The following GRB10 variants were observed in gnomAD, a reference collection of about 807,000 sequenced individuals.
The protein encoded by GRB10 is growth factor receptor-bound protein 10.
In GRB10, 20 loss-of-function variants were observed where a neutral mutation model predicts 80.9. That is an observed-to-expected ratio of 0.25 (90% CI 0.17 to 0.36). The LOEUF (loss-of-function observed/expected upper bound fraction) is 0.36, where lower values mean the gene tolerates loss of function less well. GRB10 is among the 10% of genes least tolerant of loss of function. GRB10 has a pLI of 1.00. For missense variants in GRB10, 548 were observed against 747.7 expected (o/e 0.73, Z 3.12); for synonymous variants, 291 against 291.5 (o/e 1.00, Z 0.02).
intron 4 of GRB10, among the ~76,000 whole-genome samples, chr7:50,722,006 C>T (rs553016653): frequency 1.3e-5 from 2 of 152,190 alleles, no homozygotes; most frequent in Non-Finnish European, 2.9e-5. Context: ...CAAAGGAGAG[C>T]CCAGGCTGCT....
chr7:50,697,934 T>A (rs929005707), intron 5 of GRB10, among the ~76,000 whole-genome samples: 1 of 152,234 alleles, frequency 6.6e-6, no homozygotes, highest in African/African-American at 2.4e-5. Context: ...AGAGGGAGGA[T>A]GAACACTCTG....
At chr7:50,663,476 GA>G in intron 7 of GRB10, among the ~76,000 whole-genome samples, 1 of 152,232 alleles carries the variant, frequency 6.6e-6, no homozygotes, top group Non-Finnish European at 1.5e-5. Flanking sequence ...AGTGCCATGT[GA>G]CTAGGGTCCT....
At chr7:50,654,098 A>C (rs2058349933) in intron 7 of GRB10, among the ~76,000 whole-genome samples, 1 of 152,214 alleles carries the variant, frequency 6.6e-6, no homozygotes, top group Non-Finnish European at 1.5e-5. Flanking sequence ...AGCATGGAAG[A>C]GACAACCCCC....
chr7:50,633,375 A>G (rs2054363075), intron 7 of GRB10, among the ~76,000 whole-genome samples: 1 of 152,224 alleles, frequency 6.6e-6, no homozygotes, highest in African/African-American at 2.4e-5. Context: ...TAACCAACAT[A>G]CAGAACAGTC....
At chr7:50,740,016 G>A (rs1285036425) in intron 3 of GRB10, among the ~76,000 whole-genome samples, 2 of 152,214 alleles carry the variant, frequency 1.3e-5, no homozygotes, top group Admixed American at 1.3e-4. Flanking sequence ...GTGTGAGGCT[G>A]GAGGGAAAGT....
At chr7:50,627,108 C>A in intron 7 of GRB10, 130 bp from the exon 8 acceptor site, 3 of 929,074 alleles carry the variant, frequency 3.2e-6, no homozygotes, top group South Asian at 1.3e-5. Flanking sequence ...TTTTTCCAGG[C>A]AGCCAACAGG....
In GRB10 at chr7:50,619,557, G is replaced by A. The variant is rs553994168; in HGVS notation, c.662-272C>T. 7.9e-5 allele frequency among the ~76,000 whole-genome samples: 12 copies of A among 152,270 alleles called. No homozygotes were observed. The South Asian group carries it at 1.7e-3, about 21-fold the overall frequency. The stretch of plus-strand genomic sequence containing the variant: ...CAACCAGATGTTAAGGAATGAGCCC[G>A]TAAGACTCTTAGCAAATGATTTTGC... On this transcript the variant is annotated intron_variant, in intron 8 of 18. Coordinates refer to ENST00000401949, the MANE Select transcript of GRB10 (RefSeq NM_001350814.2).
At chr7:50,618,177 G>C in intron 9 of GRB10, 38 bp from the exon 10 acceptor site, 1 of 1,494,060 alleles carries the variant, frequency 6.7e-7, no homozygotes, top group African/African-American at 1.4e-5. Flanking sequence ...TAAAAGGTTA[G>C]CTTCAAAGTG....
chr7:50,754,011 C>T (rs1019614635), intron 3 of GRB10, among the ~76,000 whole-genome samples: 15 of 152,324 alleles, frequency 9.8e-5, no homozygotes, highest in Admixed American at 2.0e-4. Flanking sequence ...CAGCATCACT[C>T]GCAACAAATC....
intron 4 of GRB10, among the ~76,000 whole-genome samples, chr7:50,705,997 T>C (rs2064993758): frequency 6.6e-6 from 1 of 152,226 alleles, no homozygotes; most frequent in Non-Finnish European, 1.5e-5. Flanking sequence ...TGCAATTCCA[T>C]GGCCAACATT....
intron 2 of GRB10, among the ~76,000 whole-genome samples, chr7:50,773,738 A>G (rs893267833): frequency 2.6e-5 from 4 of 152,258 alleles, no homozygotes; most frequent in African/African-American, 9.6e-5. Flanking sequence ...AAAGATAGTT[A>G]TACACCAATG....
chr7:50,767,167 C>G (rs2076431903), intron 2 of GRB10, among the ~76,000 whole-genome samples: 1 of 152,190 alleles, frequency 6.6e-6, no homozygotes, highest in Non-Finnish European at 1.5e-5. Context: ...CAGACTGGTG[C>G]AACATCCTCC....
intron 15 of GRB10, chr7:50,604,995 C>T: frequency 2.4e-6 from 1 of 418,506 alleles, no homozygotes; most frequent in South Asian, 2.8e-5. Flanking sequence ...ACAGCCACTG[C>T]CAGTTCATCA....
intron 17 of GRB10, among the ~76,000 whole-genome samples, chr7:50,596,388 G>A (rs2046655484): frequency 6.6e-6 from 1 of 152,186 alleles, no homozygotes; most frequent in South Asian, 2.1e-4. Context: ...GGGTGCTCCC[G>A]CCAAAAATGC....
chr7:50,612,179 G>C (rs144922224), intron 13 of GRB10, among the ~76,000 whole-genome samples: 1 of 152,294 alleles, frequency 6.6e-6, no homozygotes, highest in East Asian at 1.9e-4. Context: ...AATTCATCAT[G>C]TTTACTTCAT....
chr7:50,786,367 G>C (rs1210353741), upstream of GRB10, among the ~76,000 whole-genome samples: 2 of 152,194 alleles, frequency 1.3e-5, no homozygotes, highest in Non-Finnish European at 2.9e-5. Flanking sequence ...TGAGATTCCA[G>C]CTTCAATGGG....
intron 1 of GRB10, among the ~76,000 whole-genome samples, chr7:50,791,912 C>G (rs936336863): frequency 6.6e-6 from 1 of 152,138 alleles, no homozygotes; most frequent in Non-Finnish European, 1.5e-5. Context: ...CTGTCACAGC[C>G]AGAAGTCCCA....
chr7:50,739,992 C>A (rs960442513), intron 3 of GRB10, among the ~76,000 whole-genome samples: 3 of 152,206 alleles, frequency 2.0e-5, no homozygotes, highest in Non-Finnish European at 4.4e-5. Flanking sequence ...AGGAACCTAG[C>A]CAGCCCGGAA....
chr7:50,773,630 C>A (rs538821802), intron 2 of GRB10, among the ~76,000 whole-genome samples: 22 of 152,262 alleles, frequency 1.4e-4, no homozygotes, highest in African/African-American at 5.3e-4. Context: ...CTCTAGAAAA[C>A]AGTTTGGCAG....
Sources: gnomAD v4.1 joint callset for allele counts (sites outside exome capture counted in the v4.1 genomes callset) on GRCh38, gnomAD v4.1.1 for gene constraint, MANE v1.5 for transcripts, NCBI Gene and HGNC (gene_info 2026-07-23, HGNC 2026-07-21) for gene names.